CDCA7L: variants seen among roughly 807,000 people sequenced by gnomAD.
CDCA7L encodes the protein cell division cycle associated 7 like.
Under a neutral mutation model 57.4 loss-of-function variants are expected in CDCA7L, and 44 were observed. The ratio of observed to expected loss-of-function variants is 0.77; its 90% confidence interval spans 0.60 to 0.98. The LOEUF (loss-of-function observed/expected upper bound fraction) is 0.98. Among genes scored for constraint, CDCA7L ranks in the 50% least tolerant of loss-of-function variants. The probability of loss-of-function intolerance (pLI) is 0.00; values close to 1 mark genes in which losing one functional copy is unlikely to be tolerated. For synonymous variants in CDCA7L, 236 were observed against 202.8 expected (o/e 1.16, Z -1.39); for missense variants, 644 against 580.6 (o/e 1.11, Z -1.12).
intron 5 of CDCA7L, 54 bp downstream of exon 5, chr7:21,906,514 G>T: frequency 6.2e-7 from 1 of 1,612,228 alleles, no homozygotes; most frequent in South Asian, 1.1e-5. Context: ...AAAGCCGTCT[G>T]GTGGCTGATC....
rs149667513 is a variant in CDCA7L, at chr7:21,911,903, T to C, written c.166-149A>G. 9.3e-3 allele frequency: 5,498 copies of C among 589,652 alleles called. 57 individuals carry two copies. Among genetic ancestry groups the C allele is most frequent in the Non-Finnish European group, 0.011 (3,956 of 346,126 alleles). 36.5% of individuals were successfully genotyped at this position (589,652 alleles called of 1,614,324 possible). Reference sequence around the variant, plus strand: ...AACAATGTGAATGTACTTAATGCACTGAACTGTACACATCAAAAACAGCTG... The same window carrying C: ...AACAATGTGAATGTACTTAATGCACCGAACTGTACACATCAAAAACAGCTG... On this transcript the variant is annotated intron_variant, in intron 2 of 9. Coordinates refer to ENST00000406877, the MANE Select transcript of CDCA7L (RefSeq NM_018719.5).
At position 21,901,386 on chromosome 7, in the gene CDCA7L, C is replaced by T; in HGVS notation, c.*936G>A. 1.6e-6 allele frequency: 2 copies of T among 1,273,292 alleles called. No homozygotes were observed. The highest frequency in any genetic ancestry group is 2.0e-6 in the Non-Finnish European group (2 of 983,156). The allele number at this position is 1,273,292 out of a possible 1,614,324, so 78.9% of individuals were successfully genotyped here. On this transcript the variant is annotated 3_prime_UTR_variant, in exon 10 of 10. Coordinates refer to ENST00000406877, the MANE Select transcript of CDCA7L (RefSeq NM_018719.5). ...CGTGCATTCTTTTTTCAACGCTATC[C>T]TTAGAGTGAAAGTCAGAAAAAAATA...
rs149281501 is a variant in CDCA7L, at chr7:21,904,205, G to T, written c.1102C>A (p.Arg368=). The T allele has an allele frequency of 2.5e-6, 4 of 1,613,726 alleles. No homozygotes were observed. In the East Asian group the frequency reaches 6.7e-5, roughly 27 times the overall value. The change falls in exon 8 of 10, where the codon CGG becomes AGG. Residue 368 remains arginine (R), a synonymous_variant. Transcript: ENST00000406877. ...CGCACACCACAGCAACCCTGGTTCC[G>T]ACACACTGTCTTGGTGTCGATGGTC... The part of the protein sequence containing the change: ...QKTIDTKTVC[R]NQGCCGVRGQ...
chr7:21,905,304 G>T (rs1023187539), intron 7 of CDCA7L, among the ~76,000 whole-genome samples: 1 of 152,016 alleles, frequency 6.6e-6, no homozygotes, highest in Admixed American at 6.6e-5. Context: ...ATCCCTAAGA[G>T]AGACCGCCGT....
rs1784906026 is a variant in CDCA7L, at chr7:21,902,072, G to A, written c.*250C>T. On this transcript the variant is annotated 3_prime_UTR_variant, in exon 10 of 10. Coordinates refer to ENST00000406877, the MANE Select transcript of CDCA7L (RefSeq NM_018719.5). ...ATTTAAACTGTGCTTTTTAATAACTGGCAGATATTTTTAACAAAGTTCAGC... is the reference window on the plus strand; with the variant it reads ...ATTTAAACTGTGCTTTTTAATAACTAGCAGATATTTTTAACAAAGTTCAGC... 2.0e-6 allele frequency: 1 copy of A among 500,108 alleles called. No individual in the cohort carries two copies. Among genetic ancestry groups the A allele is most frequent in the Admixed American group, 3.2e-5 (1 of 30,822 alleles). The allele number at this position is 500,108 out of a possible 1,614,324, so 31.0% of individuals were successfully genotyped here.
At chr7:21,903,872 G>A (rs1189865839) in intron 8 of CDCA7L, 15 of 396,080 alleles carry the variant, frequency 3.8e-5, no homozygotes, top group Non-Finnish European at 6.7e-5. Flanking sequence ...CTGTAAGCAA[G>A]TTTTGCTCTG....
chr7:21,924,840 T>C (rs944265960), intron 1 of CDCA7L, among the ~76,000 whole-genome samples: 1 of 152,224 alleles, frequency 6.6e-6, no homozygotes, highest in African/African-American at 2.4e-5. Flanking sequence ...CTGCAAATGC[T>C]GTCTCTGATT....
chr7:21,904,665 C>T (rs565481700), intron 7 of CDCA7L, among the ~76,000 whole-genome samples: 1 of 152,328 alleles, frequency 6.6e-6, no homozygotes, highest in East Asian at 1.9e-4. Flanking sequence ...CAGTTTCATC[C>T]TGAAACCATC....
chr7:21,902,229 A>G lies in CDCA7L; in HGVS notation c.*93T>C. ...CTACAAAGAATTTCTGTATAAAAACACAACTGTAAAAAAATCTTTCTTAGG... is the reference window on the plus strand; with the variant it reads ...CTACAAAGAATTTCTGTATAAAAACGCAACTGTAAAAAAATCTTTCTTAGG... On this transcript the variant is annotated 3_prime_UTR_variant, in exon 10 of 10. Coordinates refer to ENST00000406877, the MANE Select transcript of CDCA7L (RefSeq NM_018719.5). The G allele has an allele frequency of 9.2e-7, 1 of 1,091,148 alleles. No individual in the cohort carries two copies. The highest frequency in any genetic ancestry group is 2.0e-5 in the Admixed American group (1 of 49,096). 67.6% of individuals were successfully genotyped at this position (1,091,148 alleles called of 1,614,324 possible).
rs1300606716 is a variant in CDCA7L, at chr7:21,901,018, G to A, written c.*1304C>T. ...TGTTTTTGCCATAGGCGCCCGCTGG[G>A]ACACCCAAGCAGGAACCATTGTTGA... On this transcript the variant is annotated 3_prime_UTR_variant, in exon 10 of 10. Coordinates refer to ENST00000406877, the MANE Select transcript of CDCA7L (RefSeq NM_018719.5). 9 of 1,593,570 alleles carry A rather than the reference G, an allele frequency of 5.6e-6. No individual in the cohort carries two copies. In the Admixed American group the frequency reaches 1.6e-4, roughly 28 times the overall value.
chr7:21,904,721 C>G (rs1426586302), intron 7 of CDCA7L, among the ~76,000 whole-genome samples: 1 of 152,192 alleles, frequency 6.6e-6, no homozygotes, highest in Non-Finnish European at 1.5e-5. Flanking sequence ...TTTCACAAAA[C>G]CAGTCCCTGG....
At chr7:21,911,423 C>G (rs910532805) in intron 3 of CDCA7L, among the ~76,000 whole-genome samples, 194 bp downstream of exon 3, 1 of 152,116 alleles carries the variant, frequency 6.6e-6, no homozygotes, top group African/African-American at 2.4e-5. Flanking sequence ...TGGATTTTCT[C>G]TAAGAGAATA....
chr7:21,907,379 A>AT (rs1447285493), intron 4 of CDCA7L, among the ~76,000 whole-genome samples: 1 of 152,204 alleles, frequency 6.6e-6, no homozygotes, highest in African/African-American at 2.4e-5. Flanking sequence ...ATAAGCTTGC[A>AT]TATACAGTAT....
At chr7:21,905,206 GAACATAA>G (rs1361763403) in intron 7 of CDCA7L, among the ~76,000 whole-genome samples, 1 of 146,464 alleles carries the variant, frequency 6.8e-6, no homozygotes, top group Non-Finnish European at 1.5e-5. Context: ...TCAATATTTA[GAACATAA>G]AACTATATGC....
chr7:21,903,943 G>GA (rs1326422074), intron 8 of CDCA7L, 167 bp downstream of exon 8: 4 of 572,446 alleles, frequency 7.0e-6, no homozygotes, highest in African/African-American at 3.8e-5. Flanking sequence ...TCTCCTTCCA[G>GA]AAGGAATCCC....
At chr7:21,911,555 ACT>A in intron 3 of CDCA7L, 60 bp downstream of exon 3, 1 of 1,532,886 alleles carries the variant, frequency 6.5e-7, no homozygotes. Context: ...TACAAGTAAA[ACT>A]CTTTCAGAAA....
intron 1 of CDCA7L, 81 bp downstream of exon 1, chr7:21,945,700 C>A (rs1404959589): frequency 6.4e-7 from 1 of 1,562,338 alleles, no homozygotes; most frequent in Non-Finnish European, 8.7e-7. Flanking sequence ...ACGTTTCCAG[C>A]CCAAGGCCAG....
intron 2 of CDCA7L, among the ~76,000 whole-genome samples, chr7:21,915,744 C>T (rs1221820423): frequency 6.6e-6 from 1 of 151,456 alleles, no homozygotes; most frequent in Non-Finnish European, 1.5e-5. Flanking sequence ...GGGAAAATTG[C>T]TTGAACCCGG....
chr7:21,944,873 T>C (rs1583886015), intron 1 of CDCA7L: 2 of 131,328 alleles, frequency 1.5e-5, no homozygotes, highest in African/African-American at 5.8e-5. Flanking sequence ...ATAAAACAAG[T>C]GGAAAAAAAA....
Sources: allele counts gnomAD v4.1 joint callset (sites outside exome capture counted in the v4.1 genomes callset), GRCh38; gene constraint gnomAD v4.1.1; transcripts MANE v1.5; gene names NCBI Gene and HGNC (gene_info 2026-07-23, HGNC 2026-07-21).